Variants in PPP1R16B observed in about 807,000 individuals in gnomAD.
PPP1R16B encodes the protein protein phosphatase 1 regulatory subunit 16B.
Under a neutral mutation model 61.7 loss-of-function variants are expected in PPP1R16B, and 14 were observed. The ratio of observed to expected loss-of-function variants is 0.23; its 90% CI spans 0.15 to 0.35. The LOEUF (loss-of-function observed/expected upper bound fraction) is 0.35, where lower values mean the gene tolerates loss of function less well. Among genes scored for constraint, PPP1R16B ranks in the 10% least tolerant of loss-of-function variants. PPP1R16B has a pLI of 1.00. For synonymous variants in PPP1R16B, 266 were observed against 305.3 expected, an observed-to-expected ratio of 0.87 and a Z score of 1.34; for missense variants, 547 against 752.5, an observed-to-expected ratio of 0.73 and a Z score of 3.19.
In PPP1R16B at chr20:38,918,008, T is replaced by A; in HGVS notation, c.1195-149T>A. The stretch of plus-strand genomic sequence containing the variant: ...TGTACGGAAATTCATAGATTGGGGG[T>A]TCCCCAAAGGAAAACCCTGGCCCCG... On this transcript the variant is annotated intron_variant, in intron 10 of 10. Transcript: ENST00000299824. This position sits in a 1 kb window ranked among gnomAD's most constrained non-coding sequence, Gnocchi z 5.3. 9.1e-7 allele frequency: 1 copy of A among 1,095,640 alleles called. No homozygotes were observed. Among genetic ancestry groups the A allele is most frequent in the Non-Finnish European group, 1.3e-6 (1 of 768,232 alleles). 67.9% of individuals were successfully genotyped at this position (1,095,640 alleles called of 1,614,324 possible).
intron 10 of PPP1R16B, among the ~76,000 whole-genome samples, chr20:38,916,793 A>G (rs1601319827): frequency 6.6e-6 from 1 of 152,174 alleles, no homozygotes; most frequent in African/African-American, 2.4e-5. Context: ...TTATTTCCCC[A>G]TACCCCTGCC....
intron 2 of PPP1R16B, among the ~76,000 whole-genome samples, chr20:38,874,180 T>C (rs2085150311): frequency 6.6e-6 from 1 of 152,210 alleles, no homozygotes; most frequent in South Asian, 2.1e-4. Context: ...CTGACCACAA[T>C]GCCCAAACTG....
intron 1 of PPP1R16B, among the ~76,000 whole-genome samples, chr20:38,824,815 A>T (rs899583464): frequency 6.6e-6 from 1 of 152,260 alleles, no homozygotes; most frequent in Non-Finnish European, 1.5e-5. Flanking sequence ...GAATCACTGG[A>T]AATCAGGAGT....
rs1479304537 is a variant in PPP1R16B at position 38,921,892 on chromosome 20, G to A, written c.*3226G>A. On this transcript the variant is annotated 3_prime_UTR_variant, in exon 11 of 11. Coordinates refer to ENST00000299824, the MANE Select transcript of PPP1R16B (RefSeq NM_015568.4). ...TCCTTGGGAATCTGCCTCCCTCCAT[G>A]GCAGGGGTGGATTCGGGAGCTGGGA... 6.6e-6 allele frequency: 1 copy of A among 152,180 alleles called. No individual in the cohort carries two copies. Among genetic ancestry groups the A allele is most frequent in the Non-Finnish European group, 1.5e-5 (1 of 68,030 alleles). 9.4% of individuals were successfully genotyped at this position (152,180 alleles called of 1,614,324 possible).
intron 1 of PPP1R16B, among the ~76,000 whole-genome samples, chr20:38,817,123 C>T (rs1787637588): frequency 6.6e-6 from 1 of 152,170 alleles, no homozygotes; most frequent in South Asian, 2.1e-4. Context: ...TGAGAGCATC[C>T]AGTCCAATGG....
chr20:38,911,214 T>C (rs1172412064), intron 10 of PPP1R16B, among the ~76,000 whole-genome samples: 1 of 148,508 alleles, frequency 6.7e-6, no homozygotes, highest in Non-Finnish European at 1.5e-5. Context: ...TCCCCCAGGC[T>C]GGAGTGCATT....
rs1200219646 is a variant in PPP1R16B, at chr20:38,907,870, C to T, written c.963C>T (p.Ile321=). The T allele has an allele frequency of 6.2e-7, 1 of 1,614,198 alleles. No homozygotes were observed. Among genetic ancestry groups the T allele is most frequent in the South Asian group, 1.1e-5 (1 of 91,070 alleles). Residue 321 remains isoleucine (I), a synonymous_variant, in exon 9 of 11, where the codon ATC becomes ATT. Coordinates refer to ENST00000299824, the MANE Select transcript of PPP1R16B (RefSeq NM_015568.4). This position sits in a 1 kb window ranked among gnomAD's most constrained non-coding sequence, Gnocchi z 4.5. ...LLELKHKHDV[I]MKSQLRHKSS... The stretch of plus-strand genomic sequence containing the variant: ...AGCTAAAACACAAGCATGATGTGAT[C>T]ATGAAGTCACAGCTGAGGCACAAGT...
In PPP1R16B at chr20:38,813,764, CATCATTATT is replaced by C. The variant is rs1413991594; in HGVS notation, c.-102+7975_-102+7983del. Among the ~76,000 whole-genome samples, 142 of 132,762 alleles carry C rather than the reference CATCATTATT, an allele frequency of 1.1e-3. 2 individuals are homozygous for C. The highest frequency in any genetic ancestry group is 3.7e-3 in the African/African-American group (126 of 33,818). The allele number at this position is 132,762 out of a possible 152,430, so 87.1% of individuals were successfully genotyped here. ...CTCTAAGGGGTGACATCATCATCAT[CATCATTATT>C]ATTATTATTATTATTATTATTATTA... On this transcript the variant is annotated intron_variant, in intron 1 of 10. Transcript: ENST00000299824.
At chr20:38,910,868 G>A (rs974042615) in intron 10 of PPP1R16B, among the ~76,000 whole-genome samples, 1 of 151,928 alleles carries the variant, frequency 6.6e-6, no homozygotes, top group Non-Finnish European at 1.5e-5. Context: ...GGTGGCACGC[G>A]TCTGTAGTCC....
At position 38,806,265 on chromosome 20, in the gene PPP1R16B, G is replaced by T. The variant is rs550640654; in HGVS notation, c.-102+473G>T. ...GCCGCCCCCTCGCGTGGCGGGGCTT[G>T]GTCCTGGCGGGCAGCGGCAGGGCGC... On this transcript the variant is annotated intron_variant, in intron 1 of 10. Coordinates refer to ENST00000299824, the MANE Select transcript of PPP1R16B (RefSeq NM_015568.4). The surrounding 1 kb of genome is among the most constrained non-coding windows in gnomAD (Gnocchi z 4.5). 1.3e-4 allele frequency among the ~76,000 whole-genome samples: 20 copies of T among 152,200 alleles called. No homozygotes were observed. The South Asian group carries it at 2.7e-3, about 20-fold the overall frequency.
intron 2 of PPP1R16B, among the ~76,000 whole-genome samples, chr20:38,865,145 C>T (rs1324419146): frequency 6.6e-6 from 1 of 152,066 alleles, no homozygotes; most frequent in Admixed American, 6.5e-5. Context: ...ATCCTGGGGC[C>T]CCGGTTGAGG....
chr20:38,844,586 G>A (rs2084926311), intron 2 of PPP1R16B, among the ~76,000 whole-genome samples: 1 of 152,154 alleles, frequency 6.6e-6, no homozygotes, highest in Admixed American at 6.5e-5. Context: ...ATATTAAAAG[G>A]ACATGTACTC....
At chr20:38,847,869 T>G (rs550466895) in intron 2 of PPP1R16B, among the ~76,000 whole-genome samples, 20 of 152,334 alleles carry the variant, frequency 1.3e-4, no homozygotes, top group African/African-American at 4.8e-4. Flanking sequence ...TATAGTAATT[T>G]TTTATGCTTT....
intron 2 of PPP1R16B, among the ~76,000 whole-genome samples, chr20:38,855,982 A>AGAGAGAGAGAAGG (rs1449393855): frequency 2.4e-5 from 1 of 41,576 alleles, no homozygotes. Flanking sequence ...AGAGAGAGAG[A>AGAGAGAGAGAAGG]AGGAGGAGGA....
intron 2 of PPP1R16B, among the ~76,000 whole-genome samples, chr20:38,850,855 G>C (rs1455056008): frequency 6.6e-6 from 1 of 151,588 alleles, no homozygotes; most frequent in Non-Finnish European, 1.5e-5. Flanking sequence ...GTAGTCCCAG[G>C]TACTCGGGAG....
At chr20:38,890,052 T>C (rs953587322) in intron 3 of PPP1R16B, among the ~76,000 whole-genome samples, 34 of 152,220 alleles carry the variant, frequency 2.2e-4, no homozygotes, top group Non-Finnish European at 7.3e-5. Flanking sequence ...GTGACCTGCC[T>C]GAGGTCACAT....
rs2085455546 is a variant in PPP1R16B, at chr20:38,907,743, A to G, written c.899-63A>G. The G allele has an allele frequency of 4.4e-6, 7 of 1,584,312 alleles. No homozygotes were observed. Among genetic ancestry groups the G allele is most frequent in the Non-Finnish European group, 5.2e-6 (6 of 1,157,434 alleles). ...TGGGGTGGCAGCTCCTCTGGTCTGG[A>G]GCACCCTCTTGCGCCACAGGTCCTG... On this transcript the variant is annotated intron_variant, in intron 8 of 10. Transcript: ENST00000299824. The surrounding 1 kb of genome is among the most constrained non-coding windows in gnomAD (Gnocchi z 4.5).
chr20:38,896,548 CTT>C (rs2085350955), intron 4 of PPP1R16B, among the ~76,000 whole-genome samples: 1 of 151,966 alleles, frequency 6.6e-6, no homozygotes, highest in Admixed American at 6.6e-5. Context: ...TTTCCAGTCT[CTT>C]TTTATTTTCT....
At chr20:38,834,543 T>G (rs1265171940) in intron 1 of PPP1R16B, among the ~76,000 whole-genome samples, 1 of 152,172 alleles carries the variant, frequency 6.6e-6, no homozygotes, top group Non-Finnish European at 1.5e-5. Flanking sequence ...TTTTTAAAGG[T>G]CATCCAAAGA....
Sources: allele counts gnomAD v4.1 joint callset (sites outside exome capture counted in the v4.1 genomes callset), GRCh38; gene constraint gnomAD v4.1.1; non-coding constraint Gnocchi (gnomAD v3.1); transcripts MANE v1.5; gene names NCBI Gene and HGNC (gene_info 2026-07-23, HGNC 2026-07-21).